Variants in IMMP2L observed in about 807,000 individuals in gnomAD.
IMMP2L encodes the protein inner mitochondrial membrane peptidase subunit 2.
In IMMP2L, 18 loss-of-function variants were observed where a neutral mutation model predicts 19.3. That is an observed-to-expected ratio of 0.93 (90% CI 0.64 to 1.38). The LOEUF (loss-of-function observed/expected upper bound fraction) is 1.38. Among genes scored for constraint, IMMP2L ranks in the 40% most tolerant of loss-of-function variants. IMMP2L has a pLI of 0.00. For missense variants in IMMP2L, 233 were observed against 218.2 expected (o/e 1.07, Z -0.43); for synonymous variants, 76 against 73.0 (o/e 1.04, Z -0.21).
At position 111,429,567 on chromosome 7, in the gene IMMP2L, A is replaced by G. The variant is rs556028601; in HGVS notation, c.239+57671T>C. 4.4e-3 allele frequency among the ~76,000 whole-genome samples: 664 copies of G among 151,926 alleles called. 16 individuals carry two copies. The highest frequency in any genetic ancestry group is 0.016 in the African/African-American group (642 of 41,244). ...AAGTTAGCTTTAAAAAAAAAAATCA[A>G]CATAGAATTCCTGATTTCATATTTA... On this transcript the variant is annotated intron_variant, in intron 3 of 5. Transcript: ENST00000405709.
intron 3 of IMMP2L, among the ~76,000 whole-genome samples, chr7:111,253,466 T>G (rs1273416546): frequency 6.6e-6 from 1 of 152,040 alleles, no homozygotes; most frequent in African/African-American, 2.4e-5. Context: ...GGAAGGAATT[T>G]CAGGTAACAT....
At chr7:110,994,044 T>G (rs1822772325) in intron 3 of IMMP2L, among the ~76,000 whole-genome samples, 1 of 152,124 alleles carries the variant, frequency 6.6e-6, no homozygotes, top group Non-Finnish European at 1.5e-5. Flanking sequence ...TGTCCCTCTC[T>G]GTGCCATCTC....
At chr7:111,488,902 G>A (rs993548849) in intron 2 of IMMP2L, among the ~76,000 whole-genome samples, 3 of 152,094 alleles carry the variant, frequency 2.0e-5, no homozygotes, top group Non-Finnish European at 4.4e-5. Flanking sequence ...CACTCTTGCA[G>A]GAGTGAGGTA....
intron 3 of IMMP2L, among the ~76,000 whole-genome samples, chr7:111,387,015 T>A (rs1304650764): frequency 6.6e-6 from 1 of 152,212 alleles, no homozygotes; most frequent in African/African-American, 2.4e-5. Context: ...TTATATCACA[T>A]AGCACTTATT....
At chr7:111,193,427 G>A (rs1378263016) in intron 3 of IMMP2L, among the ~76,000 whole-genome samples, 3 of 152,032 alleles carry the variant, frequency 2.0e-5, no homozygotes, top group Non-Finnish European at 2.9e-5. Flanking sequence ...TTTGTCTGAC[G>A]GTGATAAAGT....
intron 3 of IMMP2L, among the ~76,000 whole-genome samples, chr7:111,251,902 A>G (rs1250096228): frequency 6.6e-6 from 1 of 152,174 alleles, no homozygotes; most frequent in East Asian, 1.9e-4. Flanking sequence ...TTGAGGGGGA[A>G]AAAAACATAA....
chr7:111,010,894 G>C (rs758032722), intron 3 of IMMP2L, among the ~76,000 whole-genome samples: 31 of 151,776 alleles, frequency 2.0e-4, no homozygotes, highest in Non-Finnish European at 3.7e-4. Context: ...ACAAGTTTGA[G>C]GTATAGCCTC....
chr7:111,264,374 A>T (rs1299879259), intron 3 of IMMP2L, among the ~76,000 whole-genome samples: 1 of 152,176 alleles, frequency 6.6e-6, no homozygotes, highest in Non-Finnish European at 1.5e-5. Flanking sequence ...TCCTCTGGGT[A>T]CAGAAGATAT....
intron 1 of IMMP2L, among the ~76,000 whole-genome samples, chr7:111,537,390 A>T (rs1022348273): frequency 4.6e-5 from 7 of 152,134 alleles, no homozygotes; most frequent in Admixed American, 3.3e-4. Flanking sequence ...GCATTCATGA[A>T]AAAAATAGAA....
At chr7:111,437,984 C>A (rs1468547988) in intron 3 of IMMP2L, among the ~76,000 whole-genome samples, 1 of 151,816 alleles carries the variant, frequency 6.6e-6, no homozygotes, top group East Asian at 1.9e-4. Flanking sequence ...TCTAGGCATG[C>A]ATGCCAGGAA....
chr7:110,853,000 T>A (rs1806394352), intron 5 of IMMP2L, among the ~76,000 whole-genome samples: 1 of 151,988 alleles, frequency 6.6e-6, no homozygotes, highest in Non-Finnish European at 1.5e-5. Flanking sequence ...AACAACTACA[T>A]CTTGAGTTGG....
chr7:111,436,962 A>C (rs1837236072), intron 3 of IMMP2L, among the ~76,000 whole-genome samples: 1 of 151,622 alleles, frequency 6.6e-6, no homozygotes, highest in South Asian at 2.1e-4. Flanking sequence ...TAGAGCAAGA[A>C]CTCACTCATT....
intron 3 of IMMP2L, among the ~76,000 whole-genome samples, chr7:111,048,937 C>T (rs10487301): frequency 0.77 from 116,477 of 151,830 alleles, 47,639 homozygotes; most frequent in Non-Finnish European, 0.9. Flanking sequence ...AGTTTGAAAT[C>T]TAAGAAAAAG....
chr7:111,463,138 AT>A (rs1179713464), intron 3 of IMMP2L, among the ~76,000 whole-genome samples: 1 of 152,044 alleles, frequency 6.6e-6, no homozygotes, highest in East Asian at 1.9e-4. Flanking sequence ...TGACTTGCAC[AT>A]GGCCATCTTC....
At chr7:111,026,878 T>C (rs1367538843) in intron 3 of IMMP2L, among the ~76,000 whole-genome samples, 2 of 152,144 alleles carry the variant, frequency 1.3e-5, no homozygotes, top group African/African-American at 4.8e-5. Flanking sequence ...TGGTTTTTTA[T>C]TTCCTCTTTT....
intron 4 of IMMP2L, among the ~76,000 whole-genome samples, chr7:110,929,424 G>C (rs1000963246): frequency 1.5e-4 from 23 of 152,140 alleles, no homozygotes; most frequent in African/African-American, 5.3e-4. Flanking sequence ...CCTTGGGATA[G>C]TTCCACCCAC....
At chr7:111,211,472 C>T (rs919246971) in intron 3 of IMMP2L, among the ~76,000 whole-genome samples, 1 of 152,104 alleles carries the variant, frequency 6.6e-6, no homozygotes, top group East Asian at 1.9e-4. Flanking sequence ...CGAATTGAAC[C>T]AGGTCAAAAC....
At chr7:111,012,336 T>G (rs1825053625) in intron 3 of IMMP2L, among the ~76,000 whole-genome samples, 1 of 152,176 alleles carries the variant, frequency 6.6e-6, no homozygotes, top group Non-Finnish European at 1.5e-5. Flanking sequence ...ATGTTGCAAT[T>G]ACTTTCAGAA....
At chr7:111,350,115 A>AC (rs988006563) in intron 3 of IMMP2L, among the ~76,000 whole-genome samples, 2 of 151,494 alleles carry the variant, frequency 1.3e-5, no homozygotes, top group African/African-American at 4.9e-5. Flanking sequence ...TTACACGTGC[A>AC]CGCCACCATG....
Sources: allele counts gnomAD v4.1 joint callset (sites outside exome capture counted in the v4.1 genomes callset), GRCh38; gene constraint gnomAD v4.1.1; transcripts MANE v1.5; gene names NCBI Gene and HGNC (gene_info 2026-07-23, HGNC 2026-07-21).